Variants in NETO1 observed in about 807,000 individuals in gnomAD.
NETO1 encodes the protein neuropilin and tolloid-like protein 1.
A neutral mutation model predicts 61.3 loss-of-function variants in NETO1; 26 were observed. The observed-to-expected ratio is 0.42, with a 90% CI of 0.31 to 0.59. The LOEUF is 0.59. Ranked by LOEUF, NETO1 falls within the 20% of genes least tolerant of loss-of-function variation. NETO1 has a pLI of 0.12. For missense variants in NETO1, 531 were observed against 662.8 expected (o/e 0.80, Z 2.18); for synonymous variants, 225 against 225.8 (o/e 1.00, Z 0.03).
chr18:72,753,362 C>T (rs1326900056), intron 8 of NETO1, among the ~76,000 whole-genome samples: 2 of 152,064 alleles, frequency 1.3e-5, no homozygotes, highest in African/African-American at 4.8e-5. Flanking sequence ...ACATGCAGTG[C>T]TGCAAGCAAA....
At chr18:72,811,570 A>C (rs918134147) in intron 4 of NETO1, among the ~76,000 whole-genome samples, 1 of 152,164 alleles carries the variant, frequency 6.6e-6, no homozygotes. Context: ...CTGGGAGACC[A>C]GAAAAGGAGG....
rs1390181529 is a variant in NETO1, at chr18:72,830,976, T to C, written c.469+27850A>G. On this transcript the variant is annotated intron_variant, in intron 4 of 10. Transcript: ENST00000327305. This position sits in a 1 kb window ranked among gnomAD's most constrained non-coding sequence, Gnocchi z 4.9. ...ACTGCAAAATCTTCTTGATGAGGTA[T>C]ACTATTACCTCATCAAGGTAACAGA... Among the ~76,000 whole-genome samples the C allele has an allele frequency of 2.6e-5, 4 of 152,162 alleles. No individual in the cohort carries two copies. The highest frequency in any genetic ancestry group is 9.7e-5 in the African/African-American group (4 of 41,434).
chr18:72,814,343 A>C (rs1330774659), intron 4 of NETO1, among the ~76,000 whole-genome samples: 1 of 152,190 alleles, frequency 6.6e-6, no homozygotes, highest in African/African-American at 2.4e-5. Context: ...AAGAGAATGT[A>C]TATGTTGTAG....
chr18:72,837,767 A>C (rs1346252268), intron 4 of NETO1, among the ~76,000 whole-genome samples: 1 of 151,964 alleles, frequency 6.6e-6, no homozygotes, highest in Non-Finnish European at 1.5e-5. Context: ...GCTTGGGGGG[A>C]TCCTATAGAT....
At chr18:72,851,161 C>G (rs2074236792) in intron 4 of NETO1, among the ~76,000 whole-genome samples, 1 of 152,026 alleles carries the variant, frequency 6.6e-6, no homozygotes, top group Non-Finnish European at 1.5e-5. Flanking sequence ...CCTGTAATCC[C>G]ACCACTTTGG....
intron 4 of NETO1, among the ~76,000 whole-genome samples, chr18:72,849,817 A>G (rs1360636186): frequency 6.6e-6 from 1 of 152,214 alleles, no homozygotes; most frequent in Non-Finnish European, 1.5e-5. Flanking sequence ...TGGAGGCTGC[A>G]GGAGACAAGT....
At chr18:72,814,367 C>T (rs1355096511) in intron 4 of NETO1, among the ~76,000 whole-genome samples, 1 of 151,374 alleles carries the variant, frequency 6.6e-6, no homozygotes, top group Admixed American at 6.6e-5. Flanking sequence ...CTTGAGTAAC[C>T]ACTAATAGGA....
intron 4 of NETO1, among the ~76,000 whole-genome samples, chr18:72,804,725 C>G (rs913704568): frequency 3.3e-5 from 5 of 152,144 alleles, no homozygotes; most frequent in Middle Eastern, 3.2e-3. Context: ...GACCAGGTGA[C>G]ACAACTATGT....
intron 7 of NETO1, among the ~76,000 whole-genome samples, chr18:72,780,764 G>A (rs148319921): frequency 7.7e-4 from 117 of 152,182 alleles, no homozygotes; most frequent in South Asian, 1.7e-3. Context: ...TGAGACATAG[G>A]TGTGAGGTAG....
At chr18:72,798,785 C>T (rs752701283) in intron 4 of NETO1, among the ~76,000 whole-genome samples, 9 of 152,076 alleles carry the variant, frequency 5.9e-5, no homozygotes, top group Non-Finnish European at 1.2e-4. Context: ...AGATTGCCAA[C>T]AAAAAGAAAG....
At chr18:72,831,686 A>C (rs531047893) in intron 4 of NETO1, among the ~76,000 whole-genome samples, 2 of 152,318 alleles carry the variant, frequency 1.3e-5, no homozygotes, top group East Asian at 3.9e-4. Context: ...TCATTGTTTC[A>C]AGACTAAACT....
chr18:72,773,704 C>T (rs2071452468), intron 7 of NETO1, among the ~76,000 whole-genome samples: 1 of 152,006 alleles, frequency 6.6e-6, no homozygotes, highest in Admixed American at 6.6e-5. Context: ...TGAAGAGGTG[C>T]CTTCCGCCAT....
intron 4 of NETO1, among the ~76,000 whole-genome samples, chr18:72,852,858 G>T (rs2074295424): frequency 7.6e-5 from 11 of 145,380 alleles, no homozygotes; most frequent in Admixed American, 7.6e-4. Flanking sequence ...TTTGAGACAG[G>T]GTCTTGCTCT....
Position 72,865,661 on chromosome 18 carries a change from A to T in NETO1, c.29-420T>A, listed in dbSNP as rs868079631. The stretch of plus-strand genomic sequence containing the variant: ...AAAAGGAGAGGCAAACAATGAGAAC[A>T]GCTCCATGACTGTTCCTGACATACT... On this transcript the variant is annotated intron_variant, in intron 1 of 10. Transcript: ENST00000327305. 8 of 1,573,040 alleles carry T rather than the reference A, an allele frequency of 5.1e-6. No individual in the cohort carries two copies. The Middle Eastern group carries it at 8.4e-4, about 164-fold the overall frequency.
chr18:72,843,374 C>A (rs12327299), intron 4 of NETO1, among the ~76,000 whole-genome samples: 3,754 of 152,178 alleles, frequency 0.025, 129 homozygotes, highest in African/African-American at 0.086. Flanking sequence ...TCTCTACCAC[C>A]CTCCTTTTTA....
chr18:72,759,641 T>G (rs982048840), intron 7 of NETO1, among the ~76,000 whole-genome samples: 1 of 152,202 alleles, frequency 6.6e-6, no homozygotes, highest in Non-Finnish European at 1.5e-5. Flanking sequence ...GGCCACGGTC[T>G]CCAACGCAGC....
At chr18:72,781,873 G>GCA (rs10529264) in intron 7 of NETO1, among the ~76,000 whole-genome samples, 50,711 of 151,882 alleles carry the variant, frequency 0.33, 8,710 homozygotes, top group Admixed American at 0.46. Flanking sequence ...TTCAGATTCG[G>GCA]GGTACATGTG....
At position 72,800,716 on chromosome 18, in the gene NETO1, G is replaced by A. The variant is rs184349329; in HGVS notation, c.470-6312C>T. On this transcript the variant is annotated intron_variant, in intron 4 of 10. Coordinates refer to ENST00000327305, the MANE Select transcript of NETO1 (RefSeq NM_138966.5). ...CCCTGGTGCTAAAAATGTGCTATAA[G>A]GGACTTTGTGTCTCTTGACCCTCTC... Among the ~76,000 whole-genome samples, 8 of 152,204 alleles carry A rather than the reference G, an allele frequency of 5.3e-5. No individual in the cohort carries two copies. In the East Asian group the frequency reaches 1.5e-3, roughly 29 times the overall value.
chr18:72,837,634 T>C (rs1291273591), intron 4 of NETO1, among the ~76,000 whole-genome samples: 1 of 152,172 alleles, frequency 6.6e-6, no homozygotes, highest in Non-Finnish European at 1.5e-5. Flanking sequence ...AGGAATATAG[T>C]TATATATGTA....
Sources: gnomAD v4.1 joint callset for allele counts (sites outside exome capture counted in the v4.1 genomes callset) on GRCh38, gnomAD v4.1.1 for gene constraint, Gnocchi (gnomAD v3.1) non-coding constraint, MANE v1.5 for transcripts, NCBI Gene and HGNC (gene_info 2026-07-23, HGNC 2026-07-21) for gene names.